Variants in CDH12 observed in about 807,000 individuals in gnomAD.
CDH12 encodes cadherin-12.
In CDH12, 41 loss-of-function variants were observed where a neutral mutation model predicts 74.1. The observed-to-expected ratio is 0.55, with a 90% CI of 0.43 to 0.72. The LOEUF is 0.72. Among genes scored for constraint, CDH12 ranks in the 30% least tolerant of loss-of-function variants. The probability of loss-of-function intolerance (pLI) is 0.00; values close to 1 mark genes in which losing one functional copy is unlikely to be tolerated. For synonymous variants in CDH12, 399 were observed against 355.0 expected, an observed-to-expected ratio of 1.12 and a Z score of -1.39; for missense variants, 945 against 977.2, an observed-to-expected ratio of 0.97 and a Z score of 0.44.
At chr5:22,221,587 G>A (rs1752016351) in intron 3 of CDH12, among the ~76,000 whole-genome samples, 1 of 151,816 alleles carries the variant, frequency 6.6e-6, no homozygotes, top group Admixed American at 6.6e-5. Context: ...AACTTGGGCT[G>A]CTTTCATGCT....
At position 21,880,616 on chromosome 5, in the gene CDH12, C is replaced by CTTCTTTCTTTCTTTCT. The variant is rs201513323; in HGVS notation, c.527-25842_527-25827dup. ...CCTTCCTTCCTTCCTTCCTTCCTTCCTTCTTTCTTTCTTTCTTTCTTTCTT... is the reference window on the plus strand; with the variant it reads ...CCTTCCTTCCTTCCTTCCTTCCTTCCTTCTTTCTTTCTTTCTTTCTTTCTTTCTTTCTTTCTTTCTT... On this transcript the variant is annotated intron_variant, in intron 6 of 14. Coordinates refer to ENST00000382254, the MANE Select transcript of CDH12 (RefSeq NM_004061.5). 7.9e-4 allele frequency among the ~76,000 whole-genome samples: 40 copies of CTTCTTTCTTTCTTTCT among 50,862 alleles called. 1 individual carries two copies. The highest frequency in any genetic ancestry group is 2.8e-3 in the South Asian group (3 of 1,080). 33.4% of individuals were successfully genotyped at this position (50,862 alleles called of 152,430 possible).
At chr5:22,583,907 T>TA (rs1740235565) in intron 1 of CDH12, among the ~76,000 whole-genome samples, 1 of 152,110 alleles carries the variant, frequency 6.6e-6, no homozygotes, top group Admixed American at 6.6e-5. Context: ...TTAGCTCCTA[T>TA]AAAAGAAACA....
At chr5:22,330,363 T>C (rs1044866469) in intron 3 of CDH12, among the ~76,000 whole-genome samples, 5 of 151,984 alleles carry the variant, frequency 3.3e-5, no homozygotes, top group African/African-American at 7.3e-5. Context: ...ACCTAGGGGA[T>C]ATGCCATGGT....
intron 5 of CDH12, among the ~76,000 whole-genome samples, chr5:21,994,690 G>A (rs2150138359): frequency 6.6e-6 from 1 of 152,314 alleles, no homozygotes; most frequent in Middle Eastern, 3.4e-3. Context: ...CTAGGTCAAA[G>A]TGAAATTGAG....
intron 10 of CDH12, among the ~76,000 whole-genome samples, chr5:21,785,686 G>T (rs923508753): frequency 6.6e-6 from 1 of 152,186 alleles, no homozygotes; most frequent in African/African-American, 2.4e-5. Flanking sequence ...TATGAAGGTG[G>T]AGAGAAGTAA....
chr5:22,562,272 C>T (rs1011236042), intron 1 of CDH12, among the ~76,000 whole-genome samples: 1 of 151,970 alleles, frequency 6.6e-6, no homozygotes, highest in South Asian at 2.1e-4. Flanking sequence ...AGCCGAGATC[C>T]CGCCACTGCA....
intron 2 of CDH12, among the ~76,000 whole-genome samples, chr5:22,502,616 T>A (rs1328850896): frequency 6.6e-6 from 1 of 151,392 alleles, no homozygotes; most frequent in Admixed American, 6.7e-5. Context: ...AATCTCCCAG[T>A]CTATTGCCAG....
chr5:22,104,842 C>CT (rs1210572242), intron 4 of CDH12, among the ~76,000 whole-genome samples: 1 of 152,196 alleles, frequency 6.6e-6, no homozygotes, highest in East Asian at 1.9e-4. Flanking sequence ...CTAGGGCTGC[C>CT]ATAAAAATTT....
intron 3 of CDH12, among the ~76,000 whole-genome samples, chr5:22,253,211 C>G (rs1256770441): frequency 6.6e-6 from 1 of 151,628 alleles, no homozygotes; most frequent in Non-Finnish European, 1.5e-5. Flanking sequence ...GTAATTATGA[C>G]ATTTTAATAA....
intron 1 of CDH12, among the ~76,000 whole-genome samples, chr5:22,733,620 T>A (rs1744544040): frequency 6.6e-6 from 1 of 151,878 alleles, no homozygotes; most frequent in South Asian, 2.1e-4. Flanking sequence ...CCATGTAAAG[T>A]CAGCCTCTCT....
At position 21,993,433 on chromosome 5, in the gene CDH12, C is replaced by T. The variant is rs1283287813; in HGVS notation, c.232-18048G>A. ...GTGGGCCTAACCCTATCACATGAGA[C>T]CTGTAAAGCAGAAAGTTTTTTCCAA... On this transcript the variant is annotated intron_variant, in intron 5 of 14. Coordinates refer to ENST00000382254, the MANE Select transcript of CDH12 (RefSeq NM_004061.5). Among the ~76,000 whole-genome samples the T allele has an allele frequency of 4.6e-5, 7 of 152,180 alleles. No individual in the cohort carries two copies. The East Asian group carries it at 9.7e-4, about 21-fold the overall frequency.
At chr5:22,285,433 G>A (rs1027351499) in intron 3 of CDH12, among the ~76,000 whole-genome samples, 32 of 152,012 alleles carry the variant, frequency 2.1e-4, no homozygotes, top group Middle Eastern at 3.2e-3. Context: ...TAACTACATG[G>A]TTCTCTGTAA....
chr5:21,902,264 G>GTA (rs1408219573), intron 6 of CDH12, among the ~76,000 whole-genome samples: 1 of 150,194 alleles, frequency 6.7e-6, no homozygotes. Context: ...TATAATATAA[G>GTA]TATATATATT....
chr5:21,928,399 G>T (rs1322979414), intron 6 of CDH12, among the ~76,000 whole-genome samples: 1 of 152,212 alleles, frequency 6.6e-6, no homozygotes, highest in East Asian at 1.9e-4. Flanking sequence ...GGAAAGCAAT[G>T]TTGTCATGCA....
At chr5:22,116,621 A>G (rs1264260580) in intron 4 of CDH12, among the ~76,000 whole-genome samples, 1 of 151,812 alleles carries the variant, frequency 6.6e-6, no homozygotes, top group African/African-American at 2.4e-5. Context: ...AAAAAAAAAA[A>G]CAATCCAAGC....
chr5:22,275,512 A>T (rs1360005947), intron 3 of CDH12, among the ~76,000 whole-genome samples: 3 of 152,118 alleles, frequency 2.0e-5, no homozygotes, highest in Non-Finnish European at 4.4e-5. Flanking sequence ...TAAAGAGAAG[A>T]GGTATATTTA....
chr5:22,432,967 G>A (rs1744235331), intron 2 of CDH12, among the ~76,000 whole-genome samples: 1 of 151,918 alleles, frequency 6.6e-6, no homozygotes, highest in African/African-American at 2.4e-5. Flanking sequence ...CAAAACTTGG[G>A]GCACAAATTC....
At chr5:22,128,205 A>G (rs1745989585) in intron 4 of CDH12, among the ~76,000 whole-genome samples, 1 of 152,096 alleles carries the variant, frequency 6.6e-6, no homozygotes. Flanking sequence ...TTGACCAGAA[A>G]TGATTTGCCC....
rs1391555881 is a variant in CDH12, at chr5:21,975,263, A to G, written c.354T>C (p.Asp118=). The G allele has an allele frequency of 2.5e-6, 4 of 1,597,318 alleles. No individual in the cohort carries two copies. Among genetic ancestry groups the G allele is most frequent in the Non-Finnish European group, 3.4e-6 (4 of 1,179,656 alleles). ...GAGTGTAGAAAGGTTTCTCTTCTCT[A>G]TCTAGGCTCCTTATTGCATGAATGT... ...TGDIHAIRSL[D]REEKPFYTLR... is the part of the protein sequence containing the mutation. The change falls in exon 6 of 15, where the codon GAT becomes GAC. Residue 118 remains aspartate (D), a synonymous_variant. Transcript: ENST00000382254.
Sources: allele counts gnomAD v4.1 joint callset (sites outside exome capture counted in the v4.1 genomes callset), GRCh38; gene constraint gnomAD v4.1.1; transcripts MANE v1.5; gene names NCBI Gene and HGNC (gene_info 2026-07-23, HGNC 2026-07-21).